Variants in ARAP1 observed in about 807,000 individuals in gnomAD.
ARAP1 encodes the protein ArfGAP with RhoGAP domain, ankyrin repeat and PH domain 1, also known as arf-GAP with Rho-GAP domain, ANK repeat and PH domain-containing protein 1.
In ARAP1, 76 loss-of-function variants were observed where a neutral mutation model predicts 172.2. That is an observed-to-expected ratio of 0.44 (90% CI 0.37 to 0.53). The LOEUF is 0.53. Among genes scored for constraint, ARAP1 ranks in the 20% least tolerant of loss-of-function variants. The pLI is 0.00. For missense variants in ARAP1, 1,686 were observed against 1,977.5 expected, an observed-to-expected ratio of 0.85 and a Z score of 2.80; for synonymous variants, 804 against 803.3, an observed-to-expected ratio of 1.00 and a Z score of -0.01.
chr11:72,690,478 T>A (rs1855892017), intron 30 of ARAP1, among the ~76,000 whole-genome samples: 1 of 152,140 alleles, frequency 6.6e-6, no homozygotes. Flanking sequence ...CAACCCCAAC[T>A]CATGGGATCA....
chr11:72,686,421 C>G (rs1283337111), intron 33 of ARAP1, among the ~76,000 whole-genome samples: 1 of 152,226 alleles, frequency 6.6e-6, no homozygotes, highest in Non-Finnish European at 1.5e-5. Flanking sequence ...CCACAAACCC[C>G]TCCAAGAACC....
chr11:72,695,308 C>A lies in ARAP1; in HGVS notation c.3576+79G>T. The A allele has an allele frequency of 6.3e-7, 1 of 1,585,970 alleles. No individual in the cohort carries two copies. Among genetic ancestry groups the A allele is most frequent in the Non-Finnish European group, 8.6e-7 (1 of 1,156,686 alleles). ...TGGTCCTCTCCTCGGGGTAGAAGCACTGCTCCCCTGGCCATCTGAGCCTGT... is the reference window on the plus strand; with the variant it reads ...TGGTCCTCTCCTCGGGGTAGAAGCAATGCTCCCCTGGCCATCTGAGCCTGT... On this transcript the variant is annotated intron_variant, in intron 26 of 34. Transcript: ENST00000393609. This position sits in a 1 kb window ranked among gnomAD's most constrained non-coding sequence, Gnocchi z 4.4.
chr11:72,747,307 T>C (rs891468078), intron 1 of ARAP1, among the ~76,000 whole-genome samples: 4 of 152,174 alleles, frequency 2.6e-5, no homozygotes, highest in Non-Finnish European at 5.9e-5. Context: ...TGCCTTAATC[T>C]TCCTCTAGGC....
chr11:72,733,632 C>T (rs924026270), intron 1 of ARAP1, among the ~76,000 whole-genome samples: 3 of 152,140 alleles, frequency 2.0e-5, no homozygotes, highest in African/African-American at 4.8e-5. Context: ...CTCCCCAGGA[C>T]CTGGAACAGT....
intron 11 of ARAP1, chr11:72,708,418 C>T (rs1304660830): frequency 6.6e-6 from 1 of 152,560 alleles, no homozygotes; most frequent in Non-Finnish European, 1.5e-5. Flanking sequence ...TTGATGACAA[C>T]AAGAAACCCA....
At chr11:72,696,306 T>C (rs1470324125) in intron 23 of ARAP1, among the ~76,000 whole-genome samples, 1 of 152,190 alleles carries the variant, frequency 6.6e-6, no homozygotes, top group Non-Finnish European at 1.5e-5. Flanking sequence ...GCAGTAACAC[T>C]TGTTCACCCA....
At chr11:72,744,737 C>G (rs867090232) in intron 1 of ARAP1, among the ~76,000 whole-genome samples, 2 of 152,160 alleles carry the variant, frequency 1.3e-5, no homozygotes, top group African/African-American at 4.8e-5. Context: ...CTCCCTCCCC[C>G]GTCCCCCACA....
chr11:72,712,967 G>C (rs74506765), intron 5 of ARAP1: 50,726 of 618,364 alleles, frequency 0.082, 2,518 homozygotes, highest in Middle Eastern at 0.21. Flanking sequence ...GGGCCTGGGG[G>C]AGCCACACCA....
intron 3 of ARAP1, among the ~76,000 whole-genome samples, chr11:72,723,666 G>A (rs992015892): frequency 6.6e-6 from 1 of 152,192 alleles, no homozygotes; most frequent in African/African-American, 2.4e-5. Flanking sequence ...ACTGGGTGCT[G>A]AGTCACATGC....
In ARAP1 at chr11:72,710,445, G is replaced by A; in HGVS notation, c.1356C>T (p.Phe452=). 1 of 1,614,060 alleles carries A rather than the reference G, an allele frequency of 6.2e-7. No homozygotes were observed. Among genetic ancestry groups the A allele is most frequent in the Non-Finnish European group, 8.5e-7 (1 of 1,179,982 alleles). ...CCACGGCCACGTACAGCTTATTCTT[G>A]AAGCCACGAAGCTCCAGGCTGCCAG... is the stretch of plus-strand genomic sequence containing the variant. ...DRAGSLELRG[F]KNKLYVAVVG... The change falls in exon 10 of 35, where the codon TTC becomes TTT. Residue 452 remains phenylalanine (F), a synonymous_variant. Coordinates refer to ENST00000393609, the MANE Select transcript of ARAP1 (RefSeq NM_001040118.3). The surrounding 1 kb of genome is among the most constrained non-coding windows in gnomAD (Gnocchi z 4.3).
intron 20 of ARAP1, 48 bp from the exon 21 acceptor site, chr11:72,697,534 C>T (rs1160109898): frequency 1.2e-6 from 2 of 1,613,052 alleles, no homozygotes; most frequent in Non-Finnish European, 1.7e-6. Flanking sequence ...CTATCCCACC[C>T]TGTCCCCAGG....
rs183951108 is a variant in ARAP1, at chr11:72,729,219, C to T, written c.-44-2047G>A. Among the ~76,000 whole-genome samples, 662 of 152,084 alleles carry T rather than the reference C, an allele frequency of 4.4e-3. 4 individuals carry two copies. The highest frequency in any genetic ancestry group is 0.015 in the African/African-American group (640 of 41,478). On this transcript the variant is annotated intron_variant, in intron 2 of 34. Transcript: ENST00000393609. ...GTTGTTGGGACAGCTGTGGAGTGCT[C>T]TCAAAAAAAACTAATGTGGATCCCT...
chr11:72,742,411 A>G (rs530787556), intron 1 of ARAP1, among the ~76,000 whole-genome samples: 1 of 152,334 alleles, frequency 6.6e-6, no homozygotes, highest in Non-Finnish European at 1.5e-5. Context: ...GTTACAGATT[A>G]GGAAACAGCC....
At chr11:72,708,538 CA>C in intron 11 of ARAP1, 1 of 172,888 alleles carries the variant, frequency 5.8e-6, no homozygotes, top group East Asian at 1.3e-4. Context: ...AGGATGTCAT[CA>C]AAGAGAACTT....
intron 2 of ARAP1, among the ~76,000 whole-genome samples, chr11:72,729,208 T>C (rs992257927): frequency 6.6e-6 from 1 of 152,206 alleles, no homozygotes; most frequent in African/African-American, 2.4e-5. Flanking sequence ...TTGGGACAGC[T>C]GTGGAGTGCT....
intron 4 of ARAP1, among the ~76,000 whole-genome samples, 168 bp downstream of exon 4, chr11:72,713,984 A>G (rs1443163185): frequency 1.3e-5 from 2 of 152,014 alleles, no homozygotes. Context: ...CATTGTGAGG[A>G]TGAAGAGAAT....
rs144998230 is a variant in ARAP1, at chr11:72,728,530, G to A, written c.-44-1358C>T. Reference sequence around the variant, plus strand: ...CAGGAGGCAGAGGTTGCCATGAGCCGAGATCATGCCACTGCACCCCAGCCT... The same window carrying A: ...CAGGAGGCAGAGGTTGCCATGAGCCAAGATCATGCCACTGCACCCCAGCCT... On this transcript the variant is annotated intron_variant, in intron 2 of 34. Transcript: ENST00000393609. Among the ~76,000 whole-genome samples, 619 of 152,202 alleles carry A rather than the reference G, an allele frequency of 4.1e-3. 3 individuals are homozygous for A. The highest frequency in any genetic ancestry group is 0.014 in the African/African-American group (590 of 41,524).
Position 72,695,434 on chromosome 11 carries a change from T to C in ARAP1, c.3529A>G (p.Thr1177Ala). The C allele has an allele frequency of 6.2e-7, 1 of 1,614,228 alleles. No individual in the cohort carries two copies. The highest frequency in any genetic ancestry group is 8.5e-7 in the Non-Finnish European group (1 of 1,180,038). Residue 1177 changes from threonine (T) to alanine (A), a missense_variant, in exon 26 of 35, where the codon ACA (threonine) becomes GCA (alanine). This residue lies in a region of ARAP1 where 379 missense variants were observed against 500.1 expected (regional missense o/e 0.76). Coordinates refer to ENST00000393609, the MANE Select transcript of ARAP1 (RefSeq NM_001040118.3). This position sits in a 1 kb window ranked among gnomAD's most constrained non-coding sequence, Gnocchi z 4.4. The stretch of plus-strand genomic sequence containing the variant: ...GCCTTCTTCTCTTCCAGATACACTG[T>C]GCAGATGAAGTCACCGGCATGCTGC... ...GTQHAGDFIC[T>A]VYLEEKKAET...
At chr11:72,750,412 G>GA (rs887145569) in intron 1 of ARAP1, among the ~76,000 whole-genome samples, 2 of 152,130 alleles carry the variant, frequency 1.3e-5, no homozygotes, top group Non-Finnish European at 2.9e-5. Flanking sequence ...GAGGGCTCCG[G>GA]AAAATGGAAG....
Sources: allele counts gnomAD v4.1 joint callset (sites outside exome capture counted in the v4.1 genomes callset), GRCh38; gene constraint gnomAD v4.1.1; regional missense constraint gnomAD v4.1.1; non-coding constraint Gnocchi (gnomAD v3.1); transcripts MANE v1.5; gene names NCBI Gene and HGNC (gene_info 2026-07-23, HGNC 2026-07-21).